The following XRN1 variants were observed in gnomAD, a reference collection of about 807,000 sequenced individuals.
XRN1 encodes 5'-3' exoribonuclease 1, also known as strand-exchange protein 1 homolog.
XRN1 carries 67 observed loss-of-function variants against 222.3 expected under a neutral mutation model. The observed-to-expected ratio is 0.30, with a 90% confidence interval of 0.25 to 0.37. The LOEUF (loss-of-function observed/expected upper bound fraction) is 0.37, where lower values mean the gene tolerates loss of function less well. Ranked by LOEUF, XRN1 falls within the 10% of genes least tolerant of loss-of-function variation. XRN1 has a pLI of 1.00. For missense variants in XRN1, 1,707 were observed against 2,000.2 expected, an observed-to-expected ratio of 0.85 and a Z score of 2.80; for synonymous variants, 643 against 652.4, an observed-to-expected ratio of 0.99 and a Z score of 0.22.
At chr3:142,374,280 C>A (rs1024672322) in intron 25 of XRN1, among the ~76,000 whole-genome samples, 4 of 152,074 alleles carry the variant, frequency 2.6e-5, no homozygotes, top group African/African-American at 9.7e-5. Context: ...CACAACAGCC[C>A]TAGAGAGCAA....
chr3:142,406,722 C>G (rs2068355840), intron 15 of XRN1, among the ~76,000 whole-genome samples: 2 of 151,256 alleles, frequency 1.3e-5, no homozygotes, highest in Admixed American at 1.3e-4. Flanking sequence ...GAGGTTGGGT[C>G]TTGCTGTGTT....
chr3:142,414,556 C>A (rs1029186106), intron 13 of XRN1, among the ~76,000 whole-genome samples: 1 of 150,862 alleles, frequency 6.6e-6, no homozygotes. Flanking sequence ...AGTGCAGTGG[C>A]GCGATCCTGG....
chr3:142,340,434 C>T (rs925826106), intron 33 of XRN1, among the ~76,000 whole-genome samples: 2 of 151,186 alleles, frequency 1.3e-5, no homozygotes, highest in African/African-American at 4.9e-5. Flanking sequence ...ATCTAGAAAA[C>T]AGCCTCAAAA....
intron 3 of XRN1, among the ~76,000 whole-genome samples, chr3:142,426,242 T>C (rs561988215): frequency 1.3e-5 from 2 of 152,304 alleles, no homozygotes; most frequent in Admixed American, 6.5e-5. Context: ...ATATAGAGTA[T>C]GCTGCTGCAT....
chr3:142,364,325 T>C (rs917149798), intron 29 of XRN1, among the ~76,000 whole-genome samples: 1 of 152,206 alleles, frequency 6.6e-6, no homozygotes, highest in African/African-American at 2.4e-5. Context: ...ATGATGCTGC[T>C]TCATGCTGGC....
chr3:142,421,330 A>C, intron 9 of XRN1, 146 bp downstream of exon 9: 1 of 932,870 alleles, frequency 1.1e-6, no homozygotes, highest in Non-Finnish European at 1.5e-6. Context: ...GCAAATAAAA[A>C]TAAAATTAAT....
At chr3:142,415,383 G>A (rs1015402884) in intron 13 of XRN1, among the ~76,000 whole-genome samples, 3 of 152,168 alleles carry the variant, frequency 2.0e-5, no homozygotes, top group Admixed American at 1.3e-4. Context: ...ATAGAAAAAG[G>A]GTAGACTTTG....
At chr3:142,431,887 T>TATACA (rs1559879517) in intron 2 of XRN1, among the ~76,000 whole-genome samples, 1 of 34,626 alleles carries the variant, frequency 2.9e-5, no homozygotes, top group African/African-American at 1.5e-4. Context: ...ATATATATTA[T>TATACA]ATATAATATA....
chr3:142,429,708 G>T (rs1433544844), intron 2 of XRN1: 1 of 152,206 alleles, frequency 6.6e-6, no homozygotes, highest in Admixed American at 6.5e-5. Context: ...CTGACACCAG[G>T]TAGGTTAGAA....
At chr3:142,315,940 T>G (rs1054925605) in intron 39 of XRN1, among the ~76,000 whole-genome samples, 1 of 152,210 alleles carries the variant, frequency 6.6e-6, no homozygotes, top group African/African-American at 2.4e-5. Flanking sequence ...ATTTTAGGCA[T>G]TTTTAGGTCT....
intron 2 of XRN1, among the ~76,000 whole-genome samples, chr3:142,432,152 ATAATT>A (rs1478337605): frequency 8.8e-6 from 1 of 113,164 alleles, no homozygotes; most frequent in Non-Finnish European, 1.6e-5. Context: ...TATATAATAT[ATAATT>A]TATATATAAA....
chr3:142,375,756 T>A, intron 25 of XRN1, 42 bp downstream of exon 25: 1 of 1,535,024 alleles, frequency 6.5e-7, no homozygotes, highest in Non-Finnish European at 8.8e-7. Context: ...AGTATTTTCC[T>A]AAGATTTTGG....
In XRN1 at chr3:142,308,410, T is replaced by G. The variant is rs1396241489; in HGVS notation, c.*3101A>C. 1 of 152,324 alleles carries G rather than the reference T, an allele frequency of 6.6e-6. No individual in the cohort carries two copies. Among genetic ancestry groups the G allele is most frequent in the South Asian group, 2.1e-4 (1 of 4,830 alleles). 9.4% of individuals were successfully genotyped at this position (152,324 alleles called of 1,614,324 possible). ...ACAATAAAAAAACTTGCATCAATAGTTCTTCATTCCTCCACCAATCGGGAA... is the reference window on the plus strand; with the variant it reads ...ACAATAAAAAAACTTGCATCAATAGGTCTTCATTCCTCCACCAATCGGGAA... On this transcript the variant is annotated 3_prime_UTR_variant, in exon 41 of 41. Transcript: ENST00000392981.
intron 1 of XRN1, among the ~76,000 whole-genome samples, chr3:142,438,462 C>T (rs987671044): frequency 3.3e-5 from 5 of 152,264 alleles, no homozygotes; most frequent in African/African-American, 4.8e-5. Context: ...TGGGTGGTTA[C>T]GCACCCTGGA....
Position 142,418,867 on chromosome 3 carries a change from A to G in XRN1, c.1188T>C (p.Ser396=). 4 of 1,614,016 alleles carry G rather than the reference A, an allele frequency of 2.5e-6. No individual in the cohort carries two copies. The highest frequency in any genetic ancestry group is 2.5e-6 in the Non-Finnish European group (3 of 1,179,914). ...EKKKLKGQEN[S]LCWTALDKNE... ...TTTTGTCTAAAGCAGTCCAACACAG[A>G]GAATTTTCCTGGCCCTGTAAATTGT... Residue 396 remains serine (S), a synonymous_variant, in exon 11 of 41, where the codon TCT becomes TCC. Transcript: ENST00000392981.
chr3:142,367,655 C>T (rs1299415453), intron 27 of XRN1, among the ~76,000 whole-genome samples: 4 of 152,058 alleles, frequency 2.6e-5, no homozygotes, highest in Non-Finnish European at 4.4e-5. Context: ...AAGTAATTCT[C>T]CTGCCTTGGC....
intron 29 of XRN1, among the ~76,000 whole-genome samples, chr3:142,361,940 CTT>C (rs367550430): frequency 1.8e-4 from 15 of 85,152 alleles, no homozygotes; most frequent in African/African-American, 5.4e-4. Flanking sequence ...GCAATTTTCT[CTT>C]TGTTTCTTTT....
intron 39 of XRN1, among the ~76,000 whole-genome samples, chr3:142,313,974 A>G (rs2065141613): frequency 6.6e-6 from 1 of 152,204 alleles, no homozygotes; most frequent in South Asian, 2.1e-4. Context: ...ATCTACGAGC[A>G]ACTTTGGTGG....
intron 14 of XRN1, among the ~76,000 whole-genome samples, chr3:142,413,917 C>T (rs2068687619): frequency 6.6e-6 from 1 of 152,136 alleles, no homozygotes; most frequent in African/African-American, 2.4e-5. Flanking sequence ...TGAAGCCAGG[C>T]TCTGAATGAT....
Sources: allele counts gnomAD v4.1 joint callset (sites outside exome capture counted in the v4.1 genomes callset), GRCh38; gene constraint gnomAD v4.1.1; transcripts MANE v1.5; gene names NCBI Gene and HGNC (gene_info 2026-07-23, HGNC 2026-07-21).